CAMK4: variants seen among roughly 807,000 people sequenced by gnomAD.
CAMK4 encodes calcium/calmodulin-dependent protein kinase type IV.
Under a neutral mutation model 44.9 loss-of-function variants are expected in CAMK4, and 22 were observed. The observed-to-expected ratio is 0.49, with a 90% CI of 0.35 to 0.70. The LOEUF (loss-of-function observed/expected upper bound fraction) is 0.70. CAMK4 is among the 30% of genes least tolerant of loss of function. CAMK4 has a pLI of 0.01. For synonymous variants in CAMK4, 218 were observed against 215.4 expected (o/e 1.01, Z -0.11); for missense variants, 498 against 586.8 (o/e 0.85, Z 1.56).
intron 5 of CAMK4, among the ~76,000 whole-genome samples, chr5:111,427,405 T>C (rs1271706820): frequency 6.6e-6 from 1 of 152,168 alleles, no homozygotes; most frequent in East Asian, 1.9e-4. Flanking sequence ...TGGCTTCAGA[T>C]ACCACCACCA....
chr5:111,427,629 G>A (rs1460975764), intron 5 of CAMK4, among the ~76,000 whole-genome samples: 1 of 152,234 alleles, frequency 6.6e-6, no homozygotes, highest in East Asian at 1.9e-4. Context: ...GCCTGAGGTG[G>A]TAGTGGCTAT....
At position 111,249,666 on chromosome 5, in the gene CAMK4, A is replaced by ATATATG. The variant is rs1242789662; in HGVS notation, c.161+25023_161+25024insATATGT. Among the ~76,000 whole-genome samples, 251 of 140,732 alleles carry ATATATG rather than the reference A, an allele frequency of 1.8e-3. 4 individuals carry two copies. In the South Asian group the frequency reaches 0.027, roughly 15 times the overall value. The allele number at this position is 140,732 out of a possible 152,430, so 92.3% of individuals were successfully genotyped here. ...TATATGTGTGTGTGTGTGTATATATATGTGTGTGTGTGTGTGTGTGTGTGT... is the reference window on the plus strand; with the variant it reads ...TATATGTGTGTGTGTGTGTATATATATATATGTGTGTGTGTGTGTGTGTGTGTGTGT... On this transcript the variant is annotated intron_variant, in intron 1 of 10. Transcript: ENST00000282356.
chr5:111,461,430 C>G (rs1754638817), intron 7 of CAMK4, among the ~76,000 whole-genome samples: 1 of 152,088 alleles, frequency 6.6e-6, no homozygotes, highest in African/African-American at 2.4e-5. Flanking sequence ...AAAATTGCAC[C>G]AAGTTTTAAA....
chr5:111,483,697 G>A (rs6860206), intron 10 of CAMK4, among the ~76,000 whole-genome samples: 8,966 of 152,082 alleles, frequency 0.059, 872 homozygotes, highest in African/African-American at 0.2. Context: ...AACTACTAAC[G>A]TCCACAGAAC....
At chr5:111,240,756 G>A (rs1216178828) in intron 1 of CAMK4, among the ~76,000 whole-genome samples, 1 of 152,290 alleles carries the variant, frequency 6.6e-6, no homozygotes, top group East Asian at 1.9e-4. Flanking sequence ...GGATATCACA[G>A]CCTTTCAAGT....
At chr5:111,443,185 A>G (rs1165498146) in intron 5 of CAMK4, among the ~76,000 whole-genome samples, 2 of 146,226 alleles carry the variant, frequency 1.4e-5, no homozygotes, top group African/African-American at 2.5e-5. Context: ...GTAAACAAAA[A>G]TGAAATAGTG....
In CAMK4 at chr5:111,337,911, C is replaced by T. The variant is rs111416627; in HGVS notation, c.162-6113C>T. 8.0e-3 allele frequency among the ~76,000 whole-genome samples: 1,215 copies of T among 151,110 alleles called. 16 individuals are homozygous for T. Among genetic ancestry groups the T allele is most frequent in the African/African-American group, 0.028 (1,162 of 41,368 alleles). On this transcript the variant is annotated intron_variant, in intron 1 of 10. Coordinates refer to ENST00000282356, the MANE Select transcript of CAMK4 (RefSeq NM_001744.6). ...ATGTTATGTGTCCCTAATGTCTTGC[C>T]CTGCTGCCTCTAGACTGTTTTAGTT... is the stretch of plus-strand genomic sequence containing the variant.
chr5:111,463,484 C>T (rs1754712082), intron 7 of CAMK4, among the ~76,000 whole-genome samples: 1 of 152,190 alleles, frequency 6.6e-6, no homozygotes, highest in African/African-American at 2.4e-5. Flanking sequence ...CCCTGTACTA[C>T]CACAGCTGAT....
At chr5:111,395,230 A>AAAAAAAAAAAAAAAAAAAAAG (rs1561460468) in intron 5 of CAMK4, among the ~76,000 whole-genome samples, 3 of 106,368 alleles carry the variant, frequency 2.8e-5, no homozygotes, top group African/African-American at 3.6e-5. Flanking sequence ...AAAAAAAAGA[A>AAAAAAAAAAAAAAAAAAAAAG]AAAAAAAAAG....
chr5:111,482,782 C>T lies in CAMK4; in HGVS notation c.829-3C>T, dbSNP rs763335014. 5 of 1,602,036 alleles carry T rather than the reference C, an allele frequency of 3.1e-6. No individual in the cohort carries two copies. On this transcript the variant is annotated splice_region_variant and splice_polypyrimidine_tract_variant and intron_variant, in intron 9 of 10. Coordinates refer to ENST00000282356, the MANE Select transcript of CAMK4 (RefSeq NM_001744.6). This position sits in a 1 kb window ranked among gnomAD's most constrained non-coding sequence, Gnocchi z 4.9. ...CTAAGTTTATGGTTCTTTATTATTT[C>T]AGGTCAGAAAATTAATTGTTTTGGA...
At chr5:111,224,344 C>A (rs1214176422), upstream of CAMK4, 1 of 1,213,400 alleles carries the variant, frequency 8.2e-7, no homozygotes, top group Non-Finnish European at 1.0e-6. This position sits in a 1 kb window ranked among gnomAD's most constrained non-coding sequence, Gnocchi z 5.7. Flanking sequence ...CGAGCGCGGG[C>A]GGCGGCGGTG....
intron 5 of CAMK4, among the ~76,000 whole-genome samples, chr5:111,407,243 C>T (rs911365502): frequency 9.9e-5 from 15 of 151,550 alleles, no homozygotes; most frequent in African/African-American, 3.2e-4. Context: ...CCCACCTACT[C>T]GAGAGGCTGA....
At chr5:111,246,333 T>A (rs1365203859) in intron 1 of CAMK4, among the ~76,000 whole-genome samples, 1 of 152,228 alleles carries the variant, frequency 6.6e-6, no homozygotes, top group Non-Finnish European at 1.5e-5. Context: ...TTTTTACTGC[T>A]TCTATGTTCC....
intron 1 of CAMK4, among the ~76,000 whole-genome samples, chr5:111,323,909 C>CA (rs1748766726): frequency 6.6e-6 from 1 of 151,922 alleles, no homozygotes; most frequent in Non-Finnish European, 1.5e-5. Context: ...TCGTTTAAAG[C>CA]AAAATCAAGT....
intron 7 of CAMK4, among the ~76,000 whole-genome samples, chr5:111,469,532 G>A (rs1754987123): frequency 6.6e-6 from 1 of 152,088 alleles, no homozygotes; most frequent in South Asian, 2.1e-4. Context: ...CCTGTATAGT[G>A]GATCCAAAAA....
At chr5:111,241,325 C>G (rs561926203) in intron 1 of CAMK4, among the ~76,000 whole-genome samples, 2 of 152,050 alleles carry the variant, frequency 1.3e-5, no homozygotes, top group Non-Finnish European at 2.9e-5. Flanking sequence ...GGACAAGTAT[C>G]CTGTGGAATA....
At chr5:111,265,291 C>A (rs1750187573) in intron 1 of CAMK4, among the ~76,000 whole-genome samples, 1 of 152,170 alleles carries the variant, frequency 6.6e-6, no homozygotes, top group African/African-American at 2.4e-5. Context: ...TGAAATGCAA[C>A]ATTGTCTTGG....
rs539208446 is a variant in CAMK4, at chr5:111,308,353, G to T, written c.162-35671G>T. 3.9e-5 allele frequency among the ~76,000 whole-genome samples: 6 copies of T among 152,064 alleles called. No individual in the cohort carries two copies. The South Asian group carries it at 1.0e-3, about 26-fold the overall frequency. On this transcript the variant is annotated intron_variant, in intron 1 of 10. Transcript: ENST00000282356. ...CAAGCTTTAATTTTCAAAAGCCTGGGGCTCAGAAATCCAAATATATAAAAC... is the reference window on the plus strand; with the variant it reads ...CAAGCTTTAATTTTCAAAAGCCTGGTGCTCAGAAATCCAAATATATAAAAC...
In CAMK4 at chr5:111,361,802, C is replaced by T. The variant is rs140599697; in HGVS notation, c.241-13048C>T. On this transcript the variant is annotated intron_variant, in intron 2 of 10. Transcript: ENST00000282356. ...CATTAGTTTTCTTTTTGATTAACCTCAGGCAGGAAGATTATATTAGGATAC... is the reference window on the plus strand; with the variant it reads ...CATTAGTTTTCTTTTTGATTAACCTTAGGCAGGAAGATTATATTAGGATAC... 2.3e-3 allele frequency among the ~76,000 whole-genome samples: 343 copies of T among 152,088 alleles called. 2 individuals carry two copies. The highest frequency in any genetic ancestry group is 3.6e-3 in the Non-Finnish European group (242 of 67,962).
Sources: allele counts gnomAD v4.1 joint callset (sites outside exome capture counted in the v4.1 genomes callset), GRCh38; gene constraint gnomAD v4.1.1; non-coding constraint Gnocchi (gnomAD v3.1); transcripts MANE v1.5; gene names NCBI Gene and HGNC (gene_info 2026-07-23, HGNC 2026-07-21).